Variants in PECR observed in about 807,000 individuals in gnomAD.
The protein encoded by PECR is 2,4-dienoyl-CoA reductase-related protein.
Under a neutral mutation model 35.3 loss-of-function variants are expected in PECR, and 30 were observed. That is an observed-to-expected ratio of 0.85 (90% confidence interval 0.64 to 1.15). The LOEUF (loss-of-function observed/expected upper bound fraction) is 1.15. Ranked by LOEUF, PECR falls within the 50% of genes most tolerant of loss-of-function variation. PECR has a pLI of 0.00. For missense variants in PECR, 392 were observed against 370.8 expected, an observed-to-expected ratio of 1.06 and a Z score of -0.47; for synonymous variants, 148 against 138.9, an observed-to-expected ratio of 1.07 and a Z score of -0.46.
At chr2:216,068,031 A>G (rs893371291) in intron 1 of PECR, among the ~76,000 whole-genome samples, 10 of 151,570 alleles carry the variant, frequency 6.6e-5, no homozygotes, top group African/African-American at 2.4e-4. Flanking sequence ...GTTTGAGACC[A>G]GCCTGACCAA....
chr2:216,030,163 G>T (rs568008015), intron 7 of PECR, among the ~76,000 whole-genome samples: 2 of 152,178 alleles, frequency 1.3e-5, no homozygotes, highest in Admixed American at 6.5e-5. Flanking sequence ...AGACAAATTT[G>T]TAAAAATATA....
chr2:216,073,534 G>GT (rs1695626013), intron 1 of PECR, among the ~76,000 whole-genome samples: 1 of 151,998 alleles, frequency 6.6e-6, no homozygotes, highest in Admixed American at 6.6e-5. Context: ...TTCCAGTCCC[G>GT]TAAGCTCCTG....
intron 7 of PECR, among the ~76,000 whole-genome samples, chr2:216,042,019 C>T (rs1227493655): frequency 6.6e-6 from 1 of 152,120 alleles, no homozygotes; most frequent in Non-Finnish European, 1.5e-5. Flanking sequence ...GTGAGCTGCT[C>T]TAGCAAATTA....
downstream of PECR, among the ~76,000 whole-genome samples, chr2:216,035,298 G>A (rs1405657516): frequency 6.6e-6 from 1 of 152,096 alleles, no homozygotes; most frequent in Non-Finnish European, 1.5e-5. Context: ...CCTCCCTCAG[G>A]GGGTTTTGCA....
chr2:216,074,541 A>AAGGAAGGAAGAAAGG (rs1559219583), intron 1 of PECR, among the ~76,000 whole-genome samples: 3 of 81,854 alleles, frequency 3.7e-5, no homozygotes, highest in African/African-American at 5.3e-5. Flanking sequence ...AGGAAGGAAG[A>AAGGAAGGAAGAAAGG]AAGGAAGGAA....
intron 5 of PECR, 137 bp from the exon 6 acceptor site, chr2:216,049,510 A>T (rs1261760862): frequency 1.8e-6 from 1 of 570,180 alleles, no homozygotes; most frequent in African/African-American, 1.9e-5. Context: ...GCTGATATTA[A>T]ATTTCCTCCA....
At chr2:216,041,216 A>G (rs374851470) in intron 7 of PECR, among the ~76,000 whole-genome samples, 2 of 152,204 alleles carry the variant, frequency 1.3e-5, no homozygotes, top group South Asian at 4.1e-4. Context: ...AAATCATGTC[A>G]CTGAAGGCCT....
intron 4 of PECR, among the ~76,000 whole-genome samples, chr2:216,055,386 G>A (rs551156184): frequency 5.3e-5 from 8 of 150,820 alleles, no homozygotes; most frequent in East Asian, 3.9e-4. Context: ...GTGGTGAGCT[G>A]CGATAGTGCC....
chr2:216,072,996 G>A (rs1253121559), intron 1 of PECR, among the ~76,000 whole-genome samples: 2 of 152,150 alleles, frequency 1.3e-5, no homozygotes, highest in Admixed American at 1.3e-4. Context: ...TATGTTTAAA[G>A]TTTAGGTTAT....
At chr2:216,077,043 G>A (rs1456214646) in intron 1 of PECR, among the ~76,000 whole-genome samples, 2 of 150,830 alleles carry the variant, frequency 1.3e-5, no homozygotes, top group African/African-American at 2.4e-5. Context: ...GGGATTACAC[G>A]CACGCACCAC....
At chr2:216,048,843 C>CAAA (rs59623283) in intron 6 of PECR, among the ~76,000 whole-genome samples, 73 of 74,024 alleles carry the variant, frequency 9.9e-4, no homozygotes, top group African/African-American at 1.2e-3. Context: ...CTGTCTCAAG[C>CAAA]AAAAAAAAAA....
At chr2:216,066,597 C>G in intron 1 of PECR, 79 bp from the exon 2 acceptor site, 2 of 1,296,886 alleles carry the variant, frequency 1.5e-6, no homozygotes, top group South Asian at 1.2e-5. Flanking sequence ...AAAAGTAAAC[C>G]GCCAGGGAAC....
intron 6 of PECR, among the ~76,000 whole-genome samples, chr2:216,046,285 T>TAC (rs201194525): frequency 0.22 from 22,404 of 101,740 alleles, 2,819 homozygotes; most frequent in African/African-American, 0.35. Flanking sequence ...AGTATATATA[T>TAC]ATACATACAT....
chr2:216,039,295 TA>T lies in PECR; in HGVS notation c.891del (p.Phe297LeufsTer45). The T allele has an allele frequency of 6.2e-7, 1 of 1,601,986 alleles. No individual in the cohort carries two copies. The highest frequency in any genetic ancestry group is 1.7e-4 in the Middle Eastern group (1 of 6,038). ...TCAGCTCAGAGCTTAGCTTTCTCCTTAAAGGTCTCCTTCATCTTTTTGACAA... is the reference window on the plus strand; with the variant it reads ...TCAGCTCAGAGCTTAGCTTTCTCCTTAAGGTCTCCTTCATCTTTTTGACAA... Reference protein sequence around the residue: ...LSVVKKMKETFKEKAKL With the variant: ...LSVVKKMKETXKEKAKL On this transcript the variant is annotated frameshift_variant, in exon 8 of 8. Coordinates refer to ENST00000265322, the MANE Select transcript of PECR (RefSeq NM_018441.6). LOFTEE classifies it high-confidence loss of function.
chr2:216,039,811 C>A (rs988702407), intron 7 of PECR, among the ~76,000 whole-genome samples: 2 of 152,194 alleles, frequency 1.3e-5, no homozygotes, highest in Admixed American at 1.3e-4. Context: ...ATTTAACGAT[C>A]TAGAAGGTGC....
intron 4 of PECR, among the ~76,000 whole-genome samples, chr2:216,057,326 C>T (rs892451185): frequency 1.3e-5 from 2 of 152,086 alleles, no homozygotes; most frequent in Admixed American, 1.3e-4. Flanking sequence ...TCATTCCTTA[C>T]TTATGGTTTA....
rs1333379637 is a variant in PECR, at chr2:216,042,970, CGT to C, written c.826+932_826+933del. On this transcript the variant is annotated intron_variant, in intron 7 of 7. Transcript: ENST00000265322. ...ATATGTGTATATATATATACACATA[CGT>C]ATATGTGTATATATATATACATACG... Among the ~76,000 whole-genome samples, 68 of 69,798 alleles carry C rather than the reference CGT, an allele frequency of 9.7e-4. 2 individuals carry two copies. The highest frequency in any genetic ancestry group is 1.6e-3 in the Non-Finnish European group (57 of 36,066). 45.8% of individuals were successfully genotyped at this position (69,798 alleles called of 152,430 possible). A position where few individuals can be genotyped will look rare whatever the true frequency, so the allele number is the denominator to read the frequency against.
intron 7 of PECR, among the ~76,000 whole-genome samples, chr2:216,040,900 T>C (rs1694875729): frequency 6.6e-6 from 1 of 152,062 alleles, no homozygotes; most frequent in Non-Finnish European, 1.5e-5. Context: ...AAGTCCCTTA[T>C]CTAATTTAAT....
At chr2:216,071,453 A>C (rs1284576706) in intron 1 of PECR, among the ~76,000 whole-genome samples, 2 of 152,216 alleles carry the variant, frequency 1.3e-5, no homozygotes, top group African/African-American at 4.8e-5. Flanking sequence ...AGCAAAGAAA[A>C]AAAATCATTA....
Sources: gnomAD v4.1 joint callset for allele counts (sites outside exome capture counted in the v4.1 genomes callset) on GRCh38, gnomAD v4.1.1 for gene constraint, MANE v1.5 for transcripts, NCBI Gene and HGNC (gene_info 2026-07-23, HGNC 2026-07-21) for gene names.